The following EMSY variants were observed in gnomAD, a reference collection of about 807,000 sequenced individuals.
EMSY encodes BRCA2-interacting transcriptional repressor EMSY.
A neutral mutation model predicts 134.6 loss-of-function variants in EMSY; 26 were observed. The ratio of observed to expected loss-of-function variants is 0.19; its 90% CI spans 0.14 to 0.27. EMSY has a LOEUF of 0.27. Ranked by LOEUF, EMSY falls within the 10% of genes least tolerant of loss-of-function variation. EMSY has a pLI of 1.00. For synonymous variants in EMSY, 579 were observed against 577.8 expected (o/e 1.00, Z -0.03); for missense variants, 1,305 against 1,611.4 (o/e 0.81, Z 3.26).
chr11:76,480,181 A>G (rs926643442), intron 8 of EMSY, among the ~76,000 whole-genome samples: 2 of 152,222 alleles, frequency 1.3e-5, no homozygotes, highest in African/African-American at 2.4e-5. Flanking sequence ...GACACTGGCT[A>G]TAGCAGATGA....
chr11:76,466,002 G>A (rs945185507), intron 7 of EMSY, among the ~76,000 whole-genome samples: 2 of 152,186 alleles, frequency 1.3e-5, no homozygotes, highest in Non-Finnish European at 2.9e-5. Flanking sequence ...TATAAGCCTG[G>A]TTGGCAGTGT....
chr11:76,464,191 A>T, intron 7 of EMSY, 111 bp downstream of exon 8: 2 of 1,286,960 alleles, frequency 1.6e-6, no homozygotes, highest in Non-Finnish European at 2.2e-6. Flanking sequence ...TATGCTGGGG[A>T]TGTTCACATC....
intron 7 of EMSY, among the ~76,000 whole-genome samples, chr11:76,470,960 T>C (rs755029957): frequency 3.3e-5 from 5 of 152,154 alleles, no homozygotes; most frequent in African/African-American, 1.2e-4. Context: ...TTTCTAGTTA[T>C]ACTGGCAAAA....
chr11:76,527,521 A>T (rs1950886736), intron 13 of EMSY, among the ~76,000 whole-genome samples: 1 of 152,156 alleles, frequency 6.6e-6, no homozygotes, highest in Non-Finnish European at 1.5e-5. Flanking sequence ...AATAGTTTTT[A>T]TTCCATGGAC....
At chr11:76,541,763 T>G (rs564063743) in intron 17 of EMSY, among the ~76,000 whole-genome samples, 1 of 152,358 alleles carries the variant, frequency 6.6e-6, no homozygotes, top group African/African-American at 2.4e-5. Context: ...CATGTCGAAC[T>G]GAGACCAAGA....
chr11:76,516,804 A>C (rs1950465353), intron 11 of EMSY: 1 of 152,210 alleles, frequency 6.6e-6, no homozygotes, highest in Non-Finnish European at 1.5e-5. Context: ...TACTGATGTC[A>C]CTTTAGTTTA....
At chr11:76,532,464 T>G (rs930057100) in intron 14 of EMSY, among the ~76,000 whole-genome samples, 1 of 151,954 alleles carries the variant, frequency 6.6e-6, no homozygotes, top group African/African-American at 2.4e-5. Context: ...CCTAATGGAT[T>G]AAGGCCATCC....
At chr11:76,546,032 C>A (rs751241184) in exon 20 of EMSY, 1 of 1,614,070 alleles carries the variant, frequency 6.2e-7, no homozygotes, top group Non-Finnish European at 8.5e-7. Context: ...ATAGTGGATC[C>A]CCCAAAGAAG....
At chr11:76,482,421 G>T (rs868224447) in intron 8 of EMSY, among the ~76,000 whole-genome samples, 3 of 152,158 alleles carry the variant, frequency 2.0e-5, no homozygotes, top group African/African-American at 7.2e-5. Context: ...GACAGAAGTA[G>T]GCTTCAGAAG....
chr11:76,479,599 A>G (rs1308312019), intron 8 of EMSY, among the ~76,000 whole-genome samples: 2 of 152,248 alleles, frequency 1.3e-5, no homozygotes, highest in Non-Finnish European at 2.9e-5. Flanking sequence ...CCTGAGGGGT[A>G]ATAGTGACAA....
At chr11:76,509,555 A>G (rs919358377) in intron 9 of EMSY, among the ~76,000 whole-genome samples, 5 of 152,218 alleles carry the variant, frequency 3.3e-5, no homozygotes, top group Non-Finnish European at 5.9e-5. Context: ...GAGAAGCACA[A>G]TAAAGCAAAG....
intron 8 of EMSY, among the ~76,000 whole-genome samples, chr11:76,494,648 TC>T (rs1417527001): frequency 7.1e-6 from 1 of 141,472 alleles, no homozygotes; most frequent in African/African-American, 2.7e-5. Context: ...TCCTTTCCTT[TC>T]CCTTCCTTCC....
chr11:76,500,744 C>T (rs1020631807), intron 9 of EMSY, among the ~76,000 whole-genome samples: 1 of 152,192 alleles, frequency 6.6e-6, no homozygotes, highest in African/African-American at 2.4e-5. Flanking sequence ...TAAGTATACC[C>T]AGAGCAGTGT....
intron 8 of EMSY, among the ~76,000 whole-genome samples, chr11:76,475,786 C>G (rs1484498369): frequency 1.3e-5 from 2 of 152,156 alleles, no homozygotes; most frequent in Non-Finnish European, 2.9e-5. Flanking sequence ...GTGGGTACAT[C>G]AGGCAAGAGG....
intron 7 of EMSY, among the ~76,000 whole-genome samples, chr11:76,472,246 A>C (rs575760962): frequency 6.6e-6 from 1 of 152,326 alleles, no homozygotes; most frequent in South Asian, 2.1e-4. Context: ...TAAACGAATG[A>C]ATGTTTAAAT....
At chr11:76,495,730 T>C (rs1291247560) in intron 8 of EMSY, among the ~76,000 whole-genome samples, 3 of 152,200 alleles carry the variant, frequency 2.0e-5, no homozygotes, top group Non-Finnish European at 2.9e-5. Context: ...AAGGGAATTA[T>C]CTTGTTCAAA....
intron 18 of EMSY, among the ~76,000 whole-genome samples, chr11:76,542,753 G>GTTTTTTGTTTTTTTTTTTTTTTT (rs749234059): frequency 9.2e-6 from 1 of 109,258 alleles, no homozygotes; most frequent in African/African-American, 3.8e-5. Context: ...TTCGTTTTTT[G>GTTTTTTGTTTTTTTTTTTTTTTT]TTTTTTTTTT....
intron 6 of EMSY, among the ~76,000 whole-genome samples, chr11:76,462,510 A>G (rs577804398): frequency 2.6e-3 from 393 of 152,324 alleles, no homozygotes; most frequent in African/African-American, 9.1e-3. Flanking sequence ...TCACATTGCC[A>G]TCTGGTAAGT....
intron 8 of EMSY, among the ~76,000 whole-genome samples, chr11:76,477,907 A>G (rs1052919511): frequency 4.6e-5 from 7 of 151,834 alleles, no homozygotes; most frequent in Non-Finnish European, 1.0e-4. Flanking sequence ...ATTTGCTCTC[A>G]TCTTGTTCTT....
Sources: allele counts gnomAD v4.1 joint callset (sites outside exome capture counted in the v4.1 genomes callset), GRCh38; gene constraint gnomAD v4.1.1; transcripts MANE v1.5; gene names NCBI Gene and HGNC (gene_info 2026-07-23, HGNC 2026-07-21).